Variants in DEAF1 observed in about 807,000 individuals in gnomAD.
DEAF1 encodes deformed epidermal autoregulatory factor 1 homolog.
In DEAF1, 53 loss-of-function variants were observed where a neutral mutation model predicts 58.9. That is an observed-to-expected ratio of 0.90 (90% confidence interval 0.72 to 1.13). The LOEUF is 1.13. DEAF1 is among the 50% of genes most tolerant of loss of function. The pLI, the probability that DEAF1 is intolerant of heterozygous loss-of-function variation, is 0.00. For synonymous variants in DEAF1, 385 were observed against 340.4 expected (o/e 1.13, Z -1.44); for missense variants, 685 against 791.4 (o/e 0.87, Z 1.61).
intron 1 of DEAF1, chr11:703,411 C>T (rs535503557): frequency 6.2e-5 from 83 of 1,332,374 alleles, no homozygotes; most frequent in East Asian, 2.6e-4. Flanking sequence ...GTCCCAGGAG[C>T]GCACACTCAG....
chr11:703,210 A>C, intron 1 of DEAF1: 1 of 1,519,818 alleles, frequency 6.6e-7, no homozygotes, highest in Non-Finnish European at 8.9e-7. Context: ...CCAGTCCCCC[A>C]GCTGTCACCT....
At chr11:692,634 C>T (rs2133425455) in intron 1 of DEAF1, among the ~76,000 whole-genome samples, 1 of 152,298 alleles carries the variant, frequency 6.6e-6, no homozygotes, top group South Asian at 2.1e-4. Flanking sequence ...GGGCGGATCA[C>T]CTGAGGTCAG....
chr11:702,596 C>G (rs1168901587), intron 1 of DEAF1, among the ~76,000 whole-genome samples: 3 of 152,230 alleles, frequency 2.0e-5, no homozygotes, highest in African/African-American at 7.2e-5. Context: ...CAAAAAAATC[C>G]CTTCAGTTCC....
rs1374466380 is a variant in DEAF1, at chr11:700,671, C to G, written c.-438+5901G>C. On this transcript the variant is annotated intron_variant, in intron 1 of 11. Coordinates refer to the DEAF1 transcript ENST00000683307. ...GGTCCTCGATCTTGCTCTGCTGTTTCTGATGGGGATTCTAGAAGCAGTTCG... is the reference window on the plus strand; with the variant it reads ...GGTCCTCGATCTTGCTCTGCTGTTTGTGATGGGGATTCTAGAAGCAGTTCG... The G allele has an allele frequency of 5.6e-6, 9 of 1,614,134 alleles. No homozygotes were observed. In the South Asian group the frequency reaches 6.6e-5, roughly 12 times the overall value.
intron 9 of DEAF1, among the ~76,000 whole-genome samples, chr11:678,146 T>C (rs1267201034): frequency 6.6e-6 from 1 of 152,042 alleles, no homozygotes; most frequent in African/African-American, 2.4e-5. Context: ...CAGGCAGAGG[T>C]TGCAGTGAGC....
In DEAF1 at chr11:679,762, C is replaced by T. The variant is rs926750473; in HGVS notation, c.1052G>A (p.Arg351Gln). ...AGCAGTGGCCTCTACCGTGGACGCT[C>T]GGTCAAAGGTCAGTGCCCCCGAGGT... ...ITTSGALTFD[R>Q]ASTVEATAVI... The change falls in exon 8 of 12, where the codon CGA becomes CAA. Residue 351 changes from arginine (R) to glutamine (Q), a missense_variant. Arg to Gln is a conservative substitution (Grantham distance 43). Around this residue, in one of 3 missense-constraint regions of DEAF1, gnomAD observed 343 missense variants for 379.8 expected, o/e 0.90. Coordinates refer to ENST00000382409, the MANE Select transcript of DEAF1 (RefSeq NM_021008.4). 4 of 1,613,776 alleles carry T rather than the reference C, an allele frequency of 2.5e-6. No homozygotes were observed. The highest frequency in any genetic ancestry group is 2.2e-5 in the South Asian group (2 of 91,090).
At chr11:682,850 G>A (rs1003080164) in intron 6 of DEAF1, among the ~76,000 whole-genome samples, 8 of 152,138 alleles carry the variant, frequency 5.3e-5, no homozygotes, top group Non-Finnish European at 1.0e-4. Flanking sequence ...ACTTAGAGCT[G>A]AAGGGGTTGA....
In DEAF1 at chr11:688,162, C is replaced by T. The variant is rs1056320755; in HGVS notation, c.518-105G>A. 29 of 1,556,230 alleles carry T rather than the reference C, an allele frequency of 1.9e-5. No individual in the cohort carries two copies. Among genetic ancestry groups the T allele is most frequent in the Non-Finnish European group, 2.5e-5 (28 of 1,141,490 alleles). On this transcript the variant is annotated intron_variant, in intron 3 of 11. Coordinates refer to ENST00000382409, the MANE Select transcript of DEAF1 (RefSeq NM_021008.4). The surrounding 1 kb of genome is among the most constrained non-coding windows in gnomAD (Gnocchi z 4.3). The stretch of plus-strand genomic sequence containing the variant: ...CCGGCAGCGCCACCTCCTTCAACGG[C>T]GGAAAAACTTCTTGGTCAGGAAAAT...
At chr11:678,659 A>G (rs1860189604) in intron 9 of DEAF1, 35 bp downstream of exon 9, 2 of 1,613,336 alleles carry the variant, frequency 1.2e-6, no homozygotes, top group African/African-American at 1.3e-5. Flanking sequence ...TCTGAGGACA[A>G]TAACCTGTAC....
At chr11:693,067 A>G (rs1003688927) in intron 1 of DEAF1, among the ~76,000 whole-genome samples, 2 of 152,212 alleles carry the variant, frequency 1.3e-5, no homozygotes, top group African/African-American at 4.8e-5. Context: ...TAAACCTGGA[A>G]ACCACTTGAC....
At chr11:649,086 A>G (rs955143100) in intron 11 of DEAF1, among the ~76,000 whole-genome samples, 26 of 152,248 alleles carry the variant, frequency 1.7e-4, no homozygotes, top group African/African-American at 5.8e-4. Context: ...CCCTCTCTCT[A>G]CGAAAAATAC....
At position 644,643 on chromosome 11, in the gene DEAF1, ATCCT is replaced by A; in HGVS notation, c.1601_1604del (p.Lys534IlefsTer25). The A allele has an allele frequency of 1.9e-6, 3 of 1,610,772 alleles. No individual in the cohort carries two copies. The highest frequency in any genetic ancestry group is 8.5e-7 in the Non-Finnish European group (1 of 1,179,336). On this transcript the variant is annotated frameshift_variant, in exon 12 of 12. Coordinates refer to ENST00000382409, the MANE Select transcript of DEAF1 (RefSeq NM_021008.4). LOFTEE classifies it high-confidence loss of function. This position sits in a 1 kb window ranked among gnomAD's most constrained non-coding sequence, Gnocchi z 4.3. ...CTGACTGGCCGCATATGTGCTGGTG[ATCCT>A]TCCAGTCCTGGAAGGGAGGACACAC...
chr11:657,850 C>T (rs1456710575), intron 10 of DEAF1, among the ~76,000 whole-genome samples: 2 of 152,150 alleles, frequency 1.3e-5, no homozygotes, highest in Non-Finnish European at 2.9e-5. Flanking sequence ...ACTGAGAGAC[C>T]GTCACAGGCC....
intron 1 of DEAF1, chr11:694,481 T>C (rs1195023190): frequency 4.3e-6 from 1 of 229,994 alleles, no homozygotes; most frequent in Non-Finnish European, 7.4e-6. Flanking sequence ...AGCAGGTACG[T>C]GGGGAAAGTG....
rs1365234603 is a variant in DEAF1, at chr11:644,880, AG to A, written c.1594-227del. ...GGAATTGGATCAAAAGGCAAACAAC[AG>A]GCAGGGCACGGTGGCTCACGCCTGT... On this transcript the variant is annotated intron_variant, in intron 11 of 11. Coordinates refer to ENST00000382409, the MANE Select transcript of DEAF1 (RefSeq NM_021008.4). The surrounding 1 kb of genome is among the most constrained non-coding windows in gnomAD (Gnocchi z 4.3). 6.6e-6 allele frequency among the ~76,000 whole-genome samples: 1 copy of A among 152,160 alleles called. No homozygotes were observed. The highest frequency in any genetic ancestry group is 1.9e-4 in the East Asian group (1 of 5,190).
intron 10 of DEAF1, among the ~76,000 whole-genome samples, chr11:660,938 C>G (rs1333756968): frequency 6.6e-6 from 1 of 152,220 alleles, no homozygotes; most frequent in Non-Finnish European, 1.5e-5. Flanking sequence ...TGGGGTCTGT[C>G]TCCACCCTTC....
At chr11:695,844 G>C (rs1308977347), upstream of DEAF1, 2 of 1,229,842 alleles carry the variant, frequency 1.6e-6, no homozygotes, top group East Asian at 6.3e-5. Context: ...GCCCCGCGGC[G>C]AGGTGAGCTC....
At chr11:706,162 C>G (rs1463864681) in intron 1 of DEAF1, 2 of 152,186 alleles carry the variant, frequency 1.3e-5, no homozygotes, top group Admixed American at 1.3e-4. Flanking sequence ...CCCGGCCCCG[C>G]CCCGGCCCGG....
intron 9 of DEAF1, among the ~76,000 whole-genome samples, chr11:676,005 G>A (rs1009938872): frequency 4.9e-4 from 7 of 14,294 alleles, no homozygotes; most frequent in East Asian, 0.011. Context: ...GGCACCCCCC[G>A]GCACCCGACA....
Sources: allele counts gnomAD v4.1 joint callset (sites outside exome capture counted in the v4.1 genomes callset), GRCh38; gene constraint gnomAD v4.1.1; regional missense constraint gnomAD v4.1.1; non-coding constraint Gnocchi (gnomAD v3.1); transcripts MANE v1.5; gene names NCBI Gene and HGNC (gene_info 2026-07-23, HGNC 2026-07-21).